Variants in TNNI3K observed in about 807,000 individuals in gnomAD.
TNNI3K encodes the protein serine/threonine-protein kinase TNNI3K.
In TNNI3K, 140 loss-of-function variants were observed where a neutral mutation model predicts 114.5. That is an observed-to-expected ratio of 1.22 (90% CI 1.07 to 1.41). The LOEUF is 1.41. Ranked by LOEUF, TNNI3K falls within the 40% of genes most tolerant of loss-of-function variation. TNNI3K has a pLI of 0.00. For synonymous variants in TNNI3K, 347 were observed against 347.5 expected (o/e 1.00, Z 0.02); for missense variants, 1,125 against 1,007.6 (o/e 1.12, Z -1.58).
At chr1:74,276,385 G>A (rs1180858198) in intron 5 of TNNI3K, among the ~76,000 whole-genome samples, 1 of 152,058 alleles carries the variant, frequency 6.6e-6, no homozygotes, top group Admixed American at 6.6e-5. Flanking sequence ...ATTAAATAAG[G>A]AATTATTGAA....
Position 74,340,527 on chromosome 1 carries a change from T to C in TNNI3K, c.683-2315T>C, listed in dbSNP as rs146981905. Reference sequence around the variant, plus strand: ...GTCTGATTCCATATTTGTCCTGGCTTGTTCCTTCAGTTGGTATTTACATCT... The same window carrying C: ...GTCTGATTCCATATTTGTCCTGGCTCGTTCCTTCAGTTGGTATTTACATCT... On this transcript the variant is annotated intron_variant, in intron 7 of 24. Coordinates refer to ENST00000326637, the MANE Select transcript of TNNI3K (RefSeq NM_015978.3). Among the ~76,000 whole-genome samples the C allele has an allele frequency of 4.1e-3, 627 of 152,310 alleles. 4 individuals carry two copies. The highest frequency in any genetic ancestry group is 0.015 in the African/African-American group (603 of 41,572).
rs200709985 is a variant in TNNI3K at position 74,436,142 on chromosome 1, C to A, written c.1825+10C>A. The A allele has an allele frequency of 6.2e-7, 1 of 1,610,970 alleles. No individual in the cohort carries two copies. Among genetic ancestry groups the A allele is most frequent in the Non-Finnish European group, 8.5e-7 (1 of 1,178,796 alleles). ...GTGGCAGATTTTGGAGGTGAGATAC[C>A]CCAAAATGGCATCCTTTTTTTCTTT... On this transcript the variant is annotated intron_variant, in intron 18 of 24. Coordinates refer to ENST00000326637, the MANE Select transcript of TNNI3K (RefSeq NM_015978.3).
chr1:74,491,461 C>T (rs941954033), intron 22 of TNNI3K, among the ~76,000 whole-genome samples: 9 of 151,664 alleles, frequency 5.9e-5, no homozygotes, highest in Non-Finnish European at 1.2e-4. Flanking sequence ...AGGATGGTGT[C>T]GATCTCTTGA....
intron 23 of TNNI3K, among the ~76,000 whole-genome samples, chr1:74,502,404 A>G (rs1002587109): frequency 2.6e-5 from 4 of 152,226 alleles, no homozygotes; most frequent in African/African-American, 7.2e-5. Flanking sequence ...TTTTTTAGAT[A>G]AAACAGAAAC....
At chr1:74,287,623 A>G (rs2100274860) in intron 5 of TNNI3K, among the ~76,000 whole-genome samples, 1 of 152,310 alleles carries the variant, frequency 6.6e-6, no homozygotes, top group Non-Finnish European at 1.5e-5. Context: ...TGAAACTTTA[A>G]AACTACTAGA....
At chr1:74,437,149 T>C (rs966082078) in intron 19 of TNNI3K, among the ~76,000 whole-genome samples, 1 of 152,068 alleles carries the variant, frequency 6.6e-6, no homozygotes, top group Non-Finnish European at 1.5e-5. Context: ...TTCTTTCCCT[T>C]TCCTGCTTCT....
chr1:74,409,027 C>T (rs984758431), intron 17 of TNNI3K, among the ~76,000 whole-genome samples: 1 of 151,570 alleles, frequency 6.6e-6, no homozygotes, highest in Non-Finnish European at 1.5e-5. Context: ...TTAAAGGTAC[C>T]AGAATTAACT....
At chr1:74,525,257 G>A (rs549464881) in intron 23 of TNNI3K, among the ~76,000 whole-genome samples, 3 of 152,324 alleles carry the variant, frequency 2.0e-5, no homozygotes, top group African/African-American at 7.2e-5. Flanking sequence ...CCTCCTGTGT[G>A]TTAGGGATTC....
At chr1:74,502,082 C>T (rs191808056) in intron 23 of TNNI3K, among the ~76,000 whole-genome samples, 6 of 152,186 alleles carry the variant, frequency 3.9e-5, no homozygotes, top group Non-Finnish European at 8.8e-5. Context: ...TGTATCTCTA[C>T]CATATAATCT....
intron 23 of TNNI3K, among the ~76,000 whole-genome samples, chr1:74,506,891 G>A (rs1164686003): frequency 6.6e-6 from 1 of 152,022 alleles, no homozygotes; most frequent in Non-Finnish European, 1.5e-5. Context: ...TCTCGGAAAA[G>A]ATTTATCTAT....
intron 7 of TNNI3K, among the ~76,000 whole-genome samples, chr1:74,338,357 A>G (rs1357760882): frequency 6.6e-6 from 1 of 151,982 alleles, no homozygotes; most frequent in Admixed American, 6.6e-5. Context: ...TATTTTCTTA[A>G]TTATAAAATA....
intron 2 of TNNI3K, among the ~76,000 whole-genome samples, chr1:74,244,686 T>C (rs1313342105): frequency 6.7e-6 from 1 of 149,662 alleles, no homozygotes; most frequent in Non-Finnish European, 1.5e-5. Flanking sequence ...ATTTAGTGAG[T>C]AGTTTATATC....
rs575081911 is a variant in TNNI3K, at chr1:74,490,762, G to C, written c.2182-1335G>C. Among the ~76,000 whole-genome samples the C allele has an allele frequency of 2.6e-5, 4 of 152,312 alleles. No homozygotes were observed. In the East Asian group the frequency reaches 7.7e-4, roughly 29 times the overall value. On this transcript the variant is annotated intron_variant, in intron 22 of 24. Transcript: ENST00000326637. Reference sequence around the variant, plus strand: ...TCATCCCATGTGCAGATATAATCAAGTTAAGAGGGACAGAAAGTATTTGAA... The same window carrying C: ...TCATCCCATGTGCAGATATAATCAACTTAAGAGGGACAGAAAGTATTTGAA...
intron 4 of TNNI3K, among the ~76,000 whole-genome samples, chr1:74,261,593 G>A (rs2100872268): frequency 6.6e-6 from 1 of 152,094 alleles, no homozygotes; most frequent in Admixed American, 6.5e-5. Flanking sequence ...AGACTTTGGG[G>A]AAAAAATTGA....
chr1:74,248,942 C>A (rs1350455176), intron 2 of TNNI3K, among the ~76,000 whole-genome samples: 1 of 152,134 alleles, frequency 6.6e-6, no homozygotes, highest in Admixed American at 6.5e-5. Flanking sequence ...TTGATTTCAG[C>A]AAACCTTCAG....
At chr1:74,378,788 G>A (rs1663053668) in intron 17 of TNNI3K, 1 of 151,260 alleles carries the variant, frequency 6.6e-6, no homozygotes, top group Non-Finnish European at 1.5e-5. Flanking sequence ...GGGAAATGTA[G>A]TCTAGCTGTG....
At chr1:74,290,963 A>G (rs1445946390) in intron 5 of TNNI3K, among the ~76,000 whole-genome samples, 1 of 151,810 alleles carries the variant, frequency 6.6e-6, no homozygotes, top group East Asian at 1.9e-4. Context: ...AGTGTGCACC[A>G]TGTTCTTTTG....
At chr1:74,241,814 C>T (rs1435390169) in intron 2 of TNNI3K, among the ~76,000 whole-genome samples, 13 of 151,244 alleles carry the variant, frequency 8.6e-5, no homozygotes, top group Non-Finnish European at 1.9e-4. Flanking sequence ...GCTTTTGTTG[C>T]CATTGCTTTT....
intron 23 of TNNI3K, among the ~76,000 whole-genome samples, chr1:74,513,359 G>C (rs533423064): frequency 6.6e-6 from 1 of 152,314 alleles, no homozygotes; most frequent in East Asian, 1.9e-4. Context: ...GAAATGTTGG[G>C]GATGCAGGGG....
Sources: gnomAD v4.1 joint callset for allele counts (sites outside exome capture counted in the v4.1 genomes callset) on GRCh38, gnomAD v4.1.1 for gene constraint, MANE v1.5 for transcripts, NCBI Gene and HGNC (gene_info 2026-07-23, HGNC 2026-07-21) for gene names.